The following WDR77 variants were observed in gnomAD, a reference collection of about 807,000 sequenced individuals.
WDR77 encodes WD repeat domain 77.
WDR77 carries 31 observed loss-of-function variants against 44.0 expected under a neutral mutation model. The observed-to-expected ratio is 0.70, with a 90% CI of 0.53 to 0.95. WDR77 has a LOEUF of 0.95. WDR77 is among the 40% of genes least tolerant of loss of function. The pLI, the probability that WDR77 is intolerant of heterozygous loss-of-function variation, is 0.00. For missense variants in WDR77, 390 were observed against 423.9 expected, an observed-to-expected ratio of 0.92 and a Z score of 0.70; for synonymous variants, 186 against 165.7, an observed-to-expected ratio of 1.12 and a Z score of -0.94.
At chr1:111,447,686 T>C (rs1286969909) in intron 2 of WDR77, 110 bp from the exon 3 acceptor site, 1 of 1,357,270 alleles carries the variant, frequency 7.4e-7, no homozygotes, top group Admixed American at 1.8e-5. Flanking sequence ...AAGTTAGTTA[T>C]TCCTGTAAAA....
chr1:111,447,635 T>C, intron 2 of WDR77, 59 bp from the exon 3 acceptor site: 1 of 1,591,618 alleles, frequency 6.3e-7, no homozygotes, highest in Non-Finnish European at 8.6e-7. Flanking sequence ...AGTAATTCAC[T>C]TCTAGGATTC....
At chr1:111,447,717 G>T in intron 2 of WDR77, 141 bp from the exon 3 acceptor site, 1 of 979,276 alleles carries the variant, frequency 1.0e-6, no homozygotes. Context: ...CATCATTGGA[G>T]AGTTCAGCTA....
chr1:111,448,027 T>C (rs1653120624), intron 2 of WDR77, among the ~76,000 whole-genome samples: 1 of 152,228 alleles, frequency 6.6e-6, no homozygotes, highest in Non-Finnish European at 1.5e-5. Flanking sequence ...TGTTGAATAA[T>C]TGAACGTCTT....
In WDR77 at chr1:111,444,074, CAGA is replaced by C; in HGVS notation, c.541_543del (p.Ser181del). On this transcript the variant is annotated inframe_deletion, in exon 5 of 10. Transcript: ENST00000235090. ...CTTACCTCGCTGCATGAAAGAAACA[CAGA>C]GTCCTTGTGAGGAGAGGCAGCAACA... 6.2e-7 allele frequency: 1 copy of C among 1,614,120 alleles called. No individual in the cohort carries two copies. Among genetic ancestry groups the C allele is most frequent in the Non-Finnish European group, 8.5e-7 (1 of 1,180,040 alleles).
At chr1:111,447,363 A>G in intron 3 of WDR77, 72 bp downstream of exon 3, 1 of 1,589,512 alleles carries the variant, frequency 6.3e-7, no homozygotes, top group Non-Finnish European at 8.6e-7. Flanking sequence ...AATGTTACCT[A>G]ATGAGGTTAA....
chr1:111,445,789 G>C (rs558377227), intron 4 of WDR77, among the ~76,000 whole-genome samples: 1 of 150,854 alleles, frequency 6.6e-6, no homozygotes, highest in East Asian at 1.9e-4. Context: ...TTTTTTCCCT[G>C]AGACAGTTTC....
intron 4 of WDR77, 125 bp from the exon 5 acceptor site, chr1:111,444,249 T>C: frequency 1.1e-6 from 1 of 873,132 alleles, no homozygotes; most frequent in East Asian, 2.6e-5. Flanking sequence ...ATTTAACAAA[T>C]TTTGTGGGAG....
chr1:111,443,382 G>C lies in WDR77; in HGVS notation c.632C>G (p.Pro211Arg). The change falls in exon 7 of 10, where the codon CCT (proline) becomes CGT (arginine). Residue 211 changes from proline (P) to arginine (R), a missense_variant. Coordinates refer to ENST00000235090, the MANE Select transcript of WDR77 (RefSeq NM_024102.4). ...KPASQIGCSA[P>R]GYLPTSLAWH... ...AGCCAGCGAGGTAGGAAGGTAGCCA[G>C]GCGCACTGCAGCCTGCAAAGGAGAG... 3 of 1,552,488 alleles carry C rather than the reference G, an allele frequency of 1.9e-6. No individual in the cohort carries two copies. The African/African-American group carries it at 4.1e-5, about 21-fold the overall frequency.
Position 111,449,117 on chromosome 1 carries a change from T to C in WDR77, c.53A>G (p.Asn18Ser). 6.2e-7 allele frequency: 1 copy of C among 1,603,578 alleles called. No homozygotes were observed. The highest frequency in any genetic ancestry group is 1.1e-5 in the South Asian group (1 of 89,802). The change falls in exon 1 of 10, where the codon AAT (asparagine) becomes AGT (serine). Residue 18 changes from asparagine to serine, a missense_variant. Coordinates refer to ENST00000235090, the MANE Select transcript of WDR77 (RefSeq NM_024102.4). Reference protein sequence around the residue: ...PLVPPAAREWNLPPNAPACME... With the variant: ...PLVPPAAREWSLPPNAPACME... ...GCAGGCGGGCGCATTTGGGGGAAGATTCCACTCCCGGGCCGCCGGGGGCAC... is the reference window on the plus strand; with the variant it reads ...GCAGGCGGGCGCATTTGGGGGAAGACTCCACTCCCGGGCCGCCGGGGGCAC...
chr1:111,439,930 G>A lies in WDR77; in HGVS notation c.*1300C>T, dbSNP rs975031964. On this transcript the variant is annotated 3_prime_UTR_variant, in exon 10 of 10. Coordinates refer to ENST00000235090, the MANE Select transcript of WDR77 (RefSeq NM_024102.4). The stretch of plus-strand genomic sequence containing the variant: ...TTTACTCAAGGGTAATCATGTCAAG[G>A]GTGAAGCATGGAAGCTTTACTGAGA... 1 of 152,544 alleles carries A rather than the reference G, an allele frequency of 6.6e-6. No homozygotes were observed. Among genetic ancestry groups the A allele is most frequent in the African/African-American group, 2.4e-5 (1 of 41,404 alleles). 9.4% of individuals were successfully genotyped at this position (152,544 alleles called of 1,614,324 possible). A position where few individuals can be genotyped will look rare whatever the true frequency, so the allele number is the denominator to read the frequency against.
intron 4 of WDR77, 72 bp downstream of exon 4, chr1:111,447,023 C>T: frequency 1.3e-6 from 2 of 1,532,310 alleles, no homozygotes; most frequent in Non-Finnish European, 9.0e-7. Flanking sequence ...CTGCTCCTAA[C>T]ATCAAAGCAA....
chr1:111,448,909 C>G lies in WDR77; in HGVS notation c.116-105G>C, dbSNP rs754196036. 60 of 1,535,294 alleles carry G rather than the reference C, an allele frequency of 3.9e-5. 2 individuals carry two copies. The South Asian group carries it at 6.8e-4, about 17-fold the overall frequency. The stretch of plus-strand genomic sequence containing the variant: ...CCGGGTCTGGATCTGAGCTCAGGAA[C>G]GCGGGGCAGGGCTGGGGACAGCTCG... On this transcript the variant is annotated intron_variant, in intron 1 of 9. Coordinates refer to ENST00000235090, the MANE Select transcript of WDR77 (RefSeq NM_024102.4).
chr1:111,448,949 G>C, intron 1 of WDR77, 106 bp downstream of exon 1: 1 of 1,539,050 alleles, frequency 6.5e-7, no homozygotes, highest in Non-Finnish European at 8.7e-7. Flanking sequence ...CGCGACCCAG[G>C]GTCAGGATAA....
In WDR77 at chr1:111,442,035, G is replaced by A; in HGVS notation, c.859C>T (p.Leu287Phe). 6.2e-7 allele frequency: 1 copy of A among 1,614,038 alleles called. No homozygotes were observed. The highest frequency in any genetic ancestry group is 8.5e-7 in the Non-Finnish European group (1 of 1,179,948). ...CCACTTCACACTTACAACTCAGAAAGGCTTGAGTCCAGCACAGCAAGTGAG... is the reference window on the plus strand; with the variant it reads ...CCACTTCACACTTACAACTCAGAAAAGCTTGAGTCCAGCACAGCAAGTGAG... ...DCSLAVLDSS[L>F]SELFRSQAHR... Residue 287 changes from leucine to phenylalanine, a missense_variant, in exon 9 of 10, where the codon CTT becomes TTT. Transcript: ENST00000235090.
At chr1:111,443,065 C>T (rs1422441170) in intron 7 of WDR77, among the ~76,000 whole-genome samples, 1 of 152,204 alleles carries the variant, frequency 6.6e-6, no homozygotes, top group South Asian at 2.1e-4. Flanking sequence ...GGATCACTGA[C>T]TTATAGCCAT....
intron 4 of WDR77, among the ~76,000 whole-genome samples, chr1:111,444,639 T>C (rs549059066): frequency 1.7e-4 from 26 of 152,284 alleles, no homozygotes; most frequent in Non-Finnish European, 3.4e-4. Context: ...CTTTCCACGC[T>C]ACAATGCTCA....
intron 9 of WDR77, 99 bp from the exon 10 acceptor site, chr1:111,441,488 G>A (rs1273610009): frequency 2.2e-6 from 3 of 1,387,412 alleles, no homozygotes; most frequent in Non-Finnish European, 2.8e-6. Context: ...TTTTTTGGGT[G>A]TGTTACACAC....
rs776816459 is a variant in WDR77, at chr1:111,441,277, G to A, written c.982C>T (p.Pro328Ser). ...WDHQVVHHVV[P>S]TEPLPAPGPA... is the part of the protein sequence containing the mutation. Reference sequence around the variant, plus strand: ...CCAGGGGCTGGGAGAGGTTCTGTGGGCACAACGTGGTGGACGACCTGATGG... The same window carrying A: ...CCAGGGGCTGGGAGAGGTTCTGTGGACACAACGTGGTGGACGACCTGATGG... Residue 328 changes from proline to serine, a missense_variant, in exon 10 of 10, where the codon CCC becomes TCC. By Grantham distance (74) the Pro-to-Ser change is moderately conservative. Coordinates refer to ENST00000235090, the MANE Select transcript of WDR77 (RefSeq NM_024102.4). The A allele has an allele frequency of 6.3e-6, 10 of 1,586,228 alleles. No homozygotes were observed. Among genetic ancestry groups the A allele is most frequent in the Admixed American group, 1.8e-5 (1 of 56,420 alleles).
intron 4 of WDR77, 94 bp from the exon 5 acceptor site, chr1:111,444,218 G>A (rs1356335413): frequency 7.8e-7 from 1 of 1,282,070 alleles, no homozygotes; most frequent in African/African-American, 1.5e-5. Context: ...AGGAGGGAGG[G>A]AGGGCTGGTC....
Sources: gnomAD v4.1 joint callset for allele counts (sites outside exome capture counted in the v4.1 genomes callset) on GRCh38, gnomAD v4.1.1 for gene constraint, MANE v1.5 for transcripts, NCBI Gene and HGNC (gene_info 2026-07-23, HGNC 2026-07-21) for gene names.